Variants in SGMS1 observed in about 807,000 individuals in gnomAD.
The protein encoded by SGMS1 is phosphatidylcholine:ceramide cholinephosphotransferase 1.
Under a neutral mutation model 46.2 loss-of-function variants are expected in SGMS1, and 13 were observed. The ratio of observed to expected loss-of-function variants is 0.28; its 90% CI spans 0.18 to 0.45. The LOEUF (loss-of-function observed/expected upper bound fraction) is 0.45. Ranked by LOEUF, SGMS1 falls within the 20% of genes least tolerant of loss-of-function variation. The probability of loss-of-function intolerance (pLI) is 1.00; values close to 1 mark genes in which losing one functional copy is unlikely to be tolerated. For synonymous variants in SGMS1, 203 were observed against 187.8 expected, an observed-to-expected ratio of 1.08 and a Z score of -0.66; for missense variants, 324 against 519.9, an observed-to-expected ratio of 0.62 and a Z score of 3.66.
Position 50,311,121 on chromosome 10 carries a change from G to T in SGMS1, c.895+141C>A, listed in dbSNP as rs1052853779. On this transcript the variant is annotated intron_variant, in intron 9 of 10. Transcript: ENST00000361781. ...ATATTTCCCTGGGTGCCAGTTGCAT[G>T]GCGATGAGATGAAGCTGCAAGCCTC... 2.1e-5 allele frequency: 20 copies of T among 938,400 alleles called. No homozygotes were observed. The East Asian group carries it at 4.7e-4, about 22-fold the overall frequency. 58.1% of individuals were successfully genotyped at this position (938,400 alleles called of 1,614,324 possible). A position where few individuals can be genotyped will look rare whatever the true frequency, so the allele number is the denominator to read the frequency against.
chr10:50,322,454 C>T (rs138170739), intron 8 of SGMS1, among the ~76,000 whole-genome samples: 1 of 152,210 alleles, frequency 6.6e-6, no homozygotes, highest in African/African-American at 2.4e-5. Flanking sequence ...AAAAACCTTA[C>T]CAACGGGAAG....
intron 5 of SGMS1, among the ~76,000 whole-genome samples, chr10:50,446,174 C>T (rs1440610874): frequency 6.6e-6 from 1 of 152,148 alleles, no homozygotes; most frequent in Non-Finnish European, 1.5e-5. Context: ...CTGATCTCAC[C>T]CTGCCTCCAT....
chr10:50,422,059 C>T (rs1564909232), intron 6 of SGMS1, among the ~76,000 whole-genome samples: 2 of 152,134 alleles, frequency 1.3e-5, no homozygotes, highest in Non-Finnish European at 2.9e-5. Flanking sequence ...CTGGCAAAAG[C>T]CCTGGGGAAT....
chr10:50,345,549 G>T (rs11005281), intron 6 of SGMS1, among the ~76,000 whole-genome samples: 5 of 152,216 alleles, frequency 3.3e-5, no homozygotes, highest in Admixed American at 3.3e-4. Flanking sequence ...TGCATAAATA[G>T]AAACATACAT....
intron 6 of SGMS1, among the ~76,000 whole-genome samples, chr10:50,348,845 G>A (rs1414105018): frequency 6.6e-6 from 1 of 152,338 alleles, no homozygotes; most frequent in African/African-American, 2.4e-5. Flanking sequence ...CCAAAGAAGA[G>A]CCTGTAAAGC....
At chr10:50,515,522 C>A (rs762478210) in intron 3 of SGMS1, among the ~76,000 whole-genome samples, 39 of 152,218 alleles carry the variant, frequency 2.6e-4, no homozygotes, top group Non-Finnish European at 5.1e-4. Flanking sequence ...GTCCCCGGCC[C>A]AGGACAACAG....
upstream of SGMS1, chr10:50,623,981 C>A: frequency 1.0e-6 from 1 of 985,368 alleles, no homozygotes; most frequent in Non-Finnish European, 1.2e-6. Context: ...GTCCGCTGCC[C>A]GAGCCGGCCC....
At chr10:50,605,893 C>G (rs545646365) in intron 1 of SGMS1, among the ~76,000 whole-genome samples, 34 of 152,274 alleles carry the variant, frequency 2.2e-4, no homozygotes, top group African/African-American at 7.9e-4. Context: ...CTCATCCTCC[C>G]CACTTCAACC....
At chr10:50,360,907 TA>T (rs1848236797) in intron 6 of SGMS1, among the ~76,000 whole-genome samples, 1 of 152,222 alleles carries the variant, frequency 6.6e-6, no homozygotes, top group Admixed American at 6.5e-5. Context: ...GTTAAAACTG[TA>T]AAAAGCCAGA....
At chr10:50,313,014 A>C (rs1336136359) in intron 8 of SGMS1, among the ~76,000 whole-genome samples, 1 of 152,230 alleles carries the variant, frequency 6.6e-6, no homozygotes, top group Non-Finnish European at 1.5e-5. Context: ...AAAACTACTA[A>C]AGCAAAAAAC....
intron 6 of SGMS1, among the ~76,000 whole-genome samples, chr10:50,421,742 G>C (rs1447313544): frequency 1.3e-5 from 2 of 152,130 alleles, no homozygotes; most frequent in Non-Finnish European, 2.9e-5. Flanking sequence ...GGAGACGGTG[G>C]GGGCCTCCGA....
At chr10:50,389,434 C>G (rs1449346682) in intron 6 of SGMS1, among the ~76,000 whole-genome samples, 1 of 152,154 alleles carries the variant, frequency 6.6e-6, no homozygotes, top group Non-Finnish European at 1.5e-5. Context: ...GGTCAAGTAC[C>G]CAATGTGAAA....
chr10:50,523,429 G>A (rs776712131), intron 2 of SGMS1, among the ~76,000 whole-genome samples: 13 of 152,134 alleles, frequency 8.5e-5, no homozygotes, highest in Non-Finnish European at 4.4e-5. Flanking sequence ...CTCTATTAGT[G>A]GGGCAATTGC....
chr10:50,500,356 A>G (rs1202404558), intron 3 of SGMS1, among the ~76,000 whole-genome samples: 2 of 152,162 alleles, frequency 1.3e-5, no homozygotes, highest in African/African-American at 4.8e-5. Context: ...AAATTTACTA[A>G]TAAATTACAG....
intron 2 of SGMS1, among the ~76,000 whole-genome samples, chr10:50,525,065 G>T (rs1322115745): frequency 1.3e-5 from 2 of 152,136 alleles, no homozygotes; most frequent in Admixed American, 6.5e-5. Context: ...AAATAGGAAA[G>T]AATTTTCTTA....
intron 3 of SGMS1, among the ~76,000 whole-genome samples, chr10:50,499,987 T>C (rs1013453043): frequency 6.6e-6 from 1 of 152,142 alleles, no homozygotes; most frequent in African/African-American, 2.4e-5. Context: ...ACCAACATGG[T>C]GAAATCCCGT....
At chr10:50,415,567 T>C (rs1168616460) in intron 6 of SGMS1, among the ~76,000 whole-genome samples, 2 of 152,148 alleles carry the variant, frequency 1.3e-5, no homozygotes, top group East Asian at 3.9e-4. Flanking sequence ...GTCAACTAGA[T>C]GGTGCAGGTG....
At chr10:50,576,184 G>A (rs1365092632) in intron 2 of SGMS1, among the ~76,000 whole-genome samples, 1 of 152,126 alleles carries the variant, frequency 6.6e-6, no homozygotes, top group Admixed American at 6.5e-5. Flanking sequence ...TGAGAAGACA[G>A]GTAATGGATG....
At chr10:50,338,802 C>T (rs1433164550) in intron 7 of SGMS1, among the ~76,000 whole-genome samples, 1 of 150,390 alleles carries the variant, frequency 6.6e-6, no homozygotes, top group East Asian at 1.9e-4. Flanking sequence ...TGCAATGCTG[C>T]GATCTCAGCT....
Sources: allele counts gnomAD v4.1 joint callset (sites outside exome capture counted in the v4.1 genomes callset), GRCh38; gene constraint gnomAD v4.1.1; transcripts MANE v1.5; gene names NCBI Gene and HGNC (gene_info 2026-07-23, HGNC 2026-07-21).